Variants in TARS3 observed in about 807,000 individuals in gnomAD.
TARS3 encodes the protein threonyl-tRNA synthetase 3.
A neutral mutation model predicts 103.5 loss-of-function variants in TARS3; 94 were observed. That is an observed-to-expected ratio of 0.91 (90% CI 0.77 to 1.08). The LOEUF (loss-of-function observed/expected upper bound fraction) is 1.08. TARS3 is among the 50% of genes least tolerant of loss of function. TARS3 has a pLI of 0.00. For synonymous variants in TARS3, 416 were observed against 355.4 expected, an observed-to-expected ratio of 1.17 and a Z score of -1.92; for missense variants, 952 against 995.2, an observed-to-expected ratio of 0.96 and a Z score of 0.58.
intron 10 of TARS3, among the ~76,000 whole-genome samples, chr15:101,687,229 C>T (rs554611602): frequency 6.6e-6 from 1 of 152,008 alleles, no homozygotes; most frequent in East Asian, 1.9e-4. Flanking sequence ...ATGATGAAAC[C>T]CCATCTCCAC....
At chr15:101,711,218 C>G (rs574064629) in intron 5 of TARS3, among the ~76,000 whole-genome samples, 3 of 152,168 alleles carry the variant, frequency 2.0e-5, no homozygotes, top group African/African-American at 7.2e-5. Context: ...AATAGCATAT[C>G]ATATTCTTCT....
At chr15:101,655,529 G>T (rs1226571834) in intron 18 of TARS3, among the ~76,000 whole-genome samples, 5 of 145,002 alleles carry the variant, frequency 3.4e-5, no homozygotes, top group African/African-American at 1.1e-4. Flanking sequence ...GCACTAGGGC[G>T]CAAATGAGAG....
intron 4 of TARS3, among the ~76,000 whole-genome samples, chr15:101,712,412 C>T (rs1480098633): frequency 1.3e-5 from 2 of 152,166 alleles, no homozygotes; most frequent in Non-Finnish European, 2.9e-5. Flanking sequence ...TCCAGGGGCA[C>T]CCTCTCTGAG....
At position 101,681,320 on chromosome 15, in the gene TARS3, C is replaced by G. The variant is rs1331924040; in HGVS notation, c.1650+2755G>C. On this transcript the variant is annotated intron_variant, in intron 12 of 18. Transcript: ENST00000335968. The stretch of plus-strand genomic sequence containing the variant: ...AACTCTTACAGGGAAAAAAGGTCTG[C>G]TTGGGTATTGACTGGGATTGTACTG... Among the ~76,000 whole-genome samples, 5 of 152,158 alleles carry G rather than the reference C, an allele frequency of 3.3e-5. No individual in the cohort carries two copies. The South Asian group carries it at 8.3e-4, about 25-fold the overall frequency.
At chr15:101,695,233 C>T (rs1898912534) in intron 10 of TARS3, among the ~76,000 whole-genome samples, 1 of 152,164 alleles carries the variant, frequency 6.6e-6, no homozygotes, top group Non-Finnish European at 1.5e-5. Flanking sequence ...CATTTCCACC[C>T]TCCAGGAAGT....
chr15:101,684,131 T>C lies in TARS3; in HGVS notation c.1594A>G (p.Thr532Ala), dbSNP rs149570515. 650 of 1,613,882 alleles carry C rather than the reference T, an allele frequency of 4.0e-4. No individual in the cohort carries two copies. Among genetic ancestry groups the C allele is most frequent in the Admixed American group, 1.4e-3 (84 of 59,958 alleles). The change falls in exon 12 of 19, where the codon ACC becomes GCC. Residue 532 changes from threonine (T) to alanine (A), a missense_variant. By Grantham distance (58) the Thr-to-Ala change is moderately conservative. Transcript: ENST00000335968. Reference sequence around the variant, plus strand: ...TCCTGCTGGAAGCGCCTCACTCTGGTCAAGCCGCTGAGAGTCCCCGACAGT... The same window carrying C: ...TCCTGCTGGAAGCGCCTCACTCTGGCCAAGCCGCTGAGAGTCCCCGACAGT... ...NELSGTLSGLTRVRRFQQDDA... is the reference protein window; with the variant it reads ...NELSGTLSGLARVRRFQQDDA...
intron 10 of TARS3, among the ~76,000 whole-genome samples, chr15:101,691,416 A>T (rs1186653186): frequency 6.6e-6 from 1 of 152,030 alleles, no homozygotes; most frequent in East Asian, 1.9e-4. Flanking sequence ...AGTAGCTGAG[A>T]TCACAAATGT....
intron 12 of TARS3, among the ~76,000 whole-genome samples, chr15:101,681,391 A>C (rs1898249610): frequency 6.6e-6 from 1 of 152,220 alleles, no homozygotes; most frequent in South Asian, 2.1e-4. Context: ...AATAATATTT[A>C]GTCTTCCAAA....
Position 101,671,656 on chromosome 15 carries a change from A to C in TARS3, c.1866+15T>G. 1 of 1,613,804 alleles carries C rather than the reference A, an allele frequency of 6.2e-7. No homozygotes were observed. The highest frequency in any genetic ancestry group is 8.5e-7 in the Non-Finnish European group (1 of 1,179,802). On this transcript the variant is annotated intron_variant, in intron 14 of 18. Coordinates refer to ENST00000335968, the MANE Select transcript of TARS3 (RefSeq NM_152334.3). Reference sequence around the variant, plus strand: ...CTTTTACATTTTGCTGTTTTGAAGCATGTGGTCGACTCACTTTAGGGCCAT... The same window carrying C: ...CTTTTACATTTTGCTGTTTTGAAGCCTGTGGTCGACTCACTTTAGGGCCAT...
chr15:101,675,969 C>T (rs1378864696), intron 12 of TARS3, among the ~76,000 whole-genome samples: 3 of 147,058 alleles, frequency 2.0e-5, no homozygotes, highest in African/African-American at 5.3e-5. Flanking sequence ...AAGGCAGCGC[C>T]GCGCACAGGA....
At chr15:101,706,892 G>A (rs146268925) in intron 6 of TARS3, among the ~76,000 whole-genome samples, 2 of 152,166 alleles carry the variant, frequency 1.3e-5, no homozygotes, top group African/African-American at 2.4e-5. Flanking sequence ...TGCAAAAAAG[G>A]CAACCCACAG....
chr15:101,658,060 T>G (rs188305665), intron 16 of TARS3, among the ~76,000 whole-genome samples: 1 of 152,152 alleles, frequency 6.6e-6, no homozygotes, highest in Non-Finnish European at 1.5e-5. Context: ...ATAGCACAAG[T>G]GCAGGTAGAA....
intron 15 of TARS3, among the ~76,000 whole-genome samples, chr15:101,665,328 C>T (rs997328246): frequency 6.6e-6 from 1 of 151,706 alleles, no homozygotes; most frequent in Non-Finnish European, 1.5e-5. Context: ...CTGCATATTT[C>T]TCATCAGAAA....
chr15:101,693,535 T>C (rs1271713338), intron 10 of TARS3, among the ~76,000 whole-genome samples: 1 of 152,122 alleles, frequency 6.6e-6, no homozygotes, highest in Non-Finnish European at 1.5e-5. Context: ...CATATGACCC[T>C]GAAATCACAC....
At chr15:101,656,832 C>A in intron 18 of TARS3, 90 bp downstream of exon 18, 1 of 751,936 alleles carries the variant, frequency 1.3e-6, no homozygotes, top group South Asian at 1.8e-5. Flanking sequence ...TCATGATAAT[C>A]AAGTAGTTGA....
intron 1 of TARS3, 115 bp from the exon 2 acceptor site, chr15:101,723,279 G>C: frequency 1.2e-6 from 1 of 856,204 alleles, no homozygotes; most frequent in Non-Finnish European, 1.9e-6. Context: ...TCATAGCTGG[G>C]CTCTCCTGAC....
intron 10 of TARS3, among the ~76,000 whole-genome samples, chr15:101,687,981 C>G (rs191179102): frequency 6.6e-6 from 1 of 152,142 alleles, no homozygotes; most frequent in Admixed American, 6.5e-5. Context: ...TGAGAAATAC[C>G]CTTATGTTGT....
At position 101,671,738 on chromosome 15, in the gene TARS3, T is replaced by C. The variant is rs372634359; in HGVS notation, c.1799A>G (p.Asn600Ser). Residue 600 changes from asparagine to serine, a missense_variant, in exon 14 of 19, where the codon AAC becomes AGC. By Grantham distance (46) the Asn-to-Ser change is conservative (BLOSUM62 1). Coordinates refer to ENST00000335968, the MANE Select transcript of TARS3 (RefSeq NM_152334.3). ...MWNEAEKQLQ[N>S]SLMDFGEPWK... Reference sequence around the variant, plus strand: ...CGGTTCTCCAAAGTCCATCAAGCTGTTCTGCAGTTGCTTTTTCAAAAGAAG... The same window carrying C: ...CGGTTCTCCAAAGTCCATCAAGCTGCTCTGCAGTTGCTTTTTCAAAAGAAG... 3 of 1,613,544 alleles carry C rather than the reference T, an allele frequency of 1.9e-6. No individual in the cohort carries two copies. Among genetic ancestry groups the C allele is most frequent in the Non-Finnish European group, 2.5e-6 (3 of 1,179,908 alleles).
In TARS3 at chr15:101,701,814, C is replaced by T. The variant is rs536469327; in HGVS notation, c.1221+425G>A. On this transcript the variant is annotated intron_variant, in intron 9 of 18. Transcript: ENST00000335968. The stretch of plus-strand genomic sequence containing the variant: ...TTTTTGAGACTGAGTCTCACTCTGT[C>T]GCCCAGGCTGGAGTGCAGTGGAGCG... 4.9e-4 allele frequency among the ~76,000 whole-genome samples: 75 copies of T among 152,094 alleles called. 2 individuals carry two copies. The South Asian group carries it at 7.1e-3, about 14-fold the overall frequency.
Sources: allele counts gnomAD v4.1 joint callset (sites outside exome capture counted in the v4.1 genomes callset), GRCh38; gene constraint gnomAD v4.1.1; transcripts MANE v1.5; gene names NCBI Gene and HGNC (gene_info 2026-07-23, HGNC 2026-07-21).